EPB41L2: variants seen among roughly 807,000 people sequenced by gnomAD.
The protein encoded by EPB41L2 is band 4.1-like protein 2.
A neutral mutation model predicts 113.0 loss-of-function variants in EPB41L2; 43 were observed. The observed-to-expected ratio is 0.38, with a 90% confidence interval of 0.30 to 0.49. EPB41L2 has a LOEUF of 0.49. Among genes scored for constraint, EPB41L2 ranks in the 20% least tolerant of loss-of-function variants. EPB41L2 has a pLI of 0.95. For synonymous variants in EPB41L2, 442 were observed against 436.7 expected, an observed-to-expected ratio of 1.01 and a Z score of -0.15; for missense variants, 1,147 against 1,223.4, an observed-to-expected ratio of 0.94 and a Z score of 0.93.
intron 19 of EPB41L2, among the ~76,000 whole-genome samples, chr6:130,847,429 T>C (rs1777375117): frequency 6.6e-6 from 1 of 152,172 alleles, no homozygotes; most frequent in Non-Finnish European, 1.5e-5. Context: ...CCCTTGAACA[T>C]AACAGGCTCA....
intron 1 of EPB41L2, among the ~76,000 whole-genome samples, chr6:131,012,564 C>T (rs1265880667): frequency 6.7e-6 from 1 of 149,150 alleles, no homozygotes; most frequent in East Asian, 2.0e-4. Context: ...ATGAATAGGA[C>T]AAAATATTGA....
intron 4 of EPB41L2, among the ~76,000 whole-genome samples, chr6:130,915,707 C>G (rs1387131914): frequency 6.6e-6 from 1 of 152,126 alleles, no homozygotes; most frequent in Non-Finnish European, 1.5e-5. Flanking sequence ...TGGGAGGGGC[C>G]TGGTGGGAGA....
chr6:130,966,553 A>G (rs1345044014), intron 1 of EPB41L2, among the ~76,000 whole-genome samples: 1 of 152,198 alleles, frequency 6.6e-6, no homozygotes, highest in East Asian at 1.9e-4. Flanking sequence ...TTAAATGAGT[A>G]AAGAAACTGG....
At chr6:130,896,203 T>C (rs950563421) in intron 8 of EPB41L2, among the ~76,000 whole-genome samples, 3 of 152,244 alleles carry the variant, frequency 2.0e-5, no homozygotes, top group African/African-American at 7.2e-5. Context: ...TATTAGCTAA[T>C]TGATGCCAGT....
In EPB41L2 at chr6:130,931,659, AAC is replaced by A. The variant is rs1226706534; in HGVS notation, c.706-4952_706-4951del. Among the ~76,000 whole-genome samples the A allele has an allele frequency of 3.9e-5, 6 of 152,162 alleles. No homozygotes were observed. In the East Asian group the frequency reaches 1.2e-3, roughly 29 times the overall value. ...ACAACTTTGTCTTCACACTGTTCACAACACATTCCATAAATAATAATTCTCTT... is the reference window on the plus strand; with the variant it reads ...ACAACTTTGTCTTCACACTGTTCACAACATTCCATAAATAATAATTCTCTT... On this transcript the variant is annotated intron_variant, in intron 3 of 19. Coordinates refer to ENST00000337057, the MANE Select transcript of EPB41L2 (RefSeq NM_001431.4).
At chr6:130,970,224 A>C (rs1776428256) in intron 1 of EPB41L2, 1 of 152,224 alleles carries the variant, frequency 6.6e-6, no homozygotes, top group Non-Finnish European at 1.5e-5. Context: ...AGCATGTATC[A>C]CAAAACCCAA....
intron 16 of EPB41L2, among the ~76,000 whole-genome samples, chr6:130,866,240 A>G (rs768216858): frequency 6.6e-6 from 1 of 152,232 alleles, no homozygotes; most frequent in Non-Finnish European, 1.5e-5. Flanking sequence ...AATCCCATAC[A>G]TATGTTAAAA....
intron 1 of EPB41L2, among the ~76,000 whole-genome samples, chr6:131,045,890 A>T (rs969936305): frequency 1.3e-5 from 2 of 152,008 alleles, no homozygotes; most frequent in African/African-American, 4.8e-5. Context: ...ATATAAAGAT[A>T]CCATGAAAAC....
intron 14 of EPB41L2, chr6:130,876,779 T>A (rs1053583879): frequency 1.5e-6 from 2 of 1,301,186 alleles, no homozygotes; most frequent in Non-Finnish European, 2.0e-6. Flanking sequence ...CTTTTCTCTA[T>A]TGTTTTAAAC....
intron 1 of EPB41L2, among the ~76,000 whole-genome samples, chr6:130,992,033 C>T (rs1046503245): frequency 1.3e-5 from 2 of 151,960 alleles, no homozygotes; most frequent in African/African-American, 4.8e-5. Context: ...AAAAGAAAAT[C>T]TTTCTATGGA....
At chr6:130,999,139 C>A in intron 1 of EPB41L2, among the ~76,000 whole-genome samples, 1 of 152,104 alleles carries the variant, frequency 6.6e-6, no homozygotes, top group East Asian at 1.9e-4. Flanking sequence ...GACTTCCCTG[C>A]CTACCCCAGC....
intron 1 of EPB41L2, among the ~76,000 whole-genome samples, chr6:131,008,642 G>A (rs908641479): frequency 2.0e-5 from 3 of 152,238 alleles, no homozygotes; most frequent in Non-Finnish European, 4.4e-5. Flanking sequence ...AAAGCAGCCG[G>A]GAGTGGGGCT....
intron 4 of EPB41L2, among the ~76,000 whole-genome samples, chr6:130,926,053 G>C (rs1804629235): frequency 6.6e-6 from 1 of 152,162 alleles, no homozygotes; most frequent in South Asian, 2.1e-4. Flanking sequence ...TGATTGCTCT[G>C]TTCTGCTGAC....
At position 130,875,524 on chromosome 6, in the gene EPB41L2, C is replaced by T. The variant is rs374491511; in HGVS notation, c.2043+2580G>A. Among the ~76,000 whole-genome samples, 40 of 152,284 alleles carry T rather than the reference C, an allele frequency of 2.6e-4. No individual in the cohort carries two copies. The South Asian group carries it at 3.9e-3, about 15-fold the overall frequency. The stretch of plus-strand genomic sequence containing the variant: ...GTTCCTGTGTTGTGGCTCGTCCTTA[C>T]ACGTGGATACATTTTCACATGTCCA... On this transcript the variant is annotated intron_variant, in intron 14 of 19. Transcript: ENST00000337057.
intron 1 of EPB41L2, among the ~76,000 whole-genome samples, chr6:131,002,465 T>C (rs975649537): frequency 3.3e-5 from 5 of 152,144 alleles, no homozygotes; most frequent in Non-Finnish European, 1.5e-5. Flanking sequence ...ACAGGTCAAA[T>C]TTCAAGGTGA....
At chr6:130,856,538 C>A in intron 19 of EPB41L2, among the ~76,000 whole-genome samples, 1 of 152,074 alleles carries the variant, frequency 6.6e-6, no homozygotes. Flanking sequence ...ACATATTTAC[C>A]AAACTAGCAA....
chr6:130,857,474 C>T lies in EPB41L2; in HGVS notation c.*5+657G>A, dbSNP rs150756836. Reference sequence around the variant, plus strand: ...AATCCTTTGCTTTTGTTTCTATTGGCTTAACTGAAGTATTTATTTCCATTT... The same window carrying T: ...AATCCTTTGCTTTTGTTTCTATTGGTTTAACTGAAGTATTTATTTCCATTT... On this transcript the variant is annotated intron_variant, in intron 19 of 19. Coordinates refer to ENST00000337057, the MANE Select transcript of EPB41L2 (RefSeq NM_001431.4). Among the ~76,000 whole-genome samples, 206 of 150,830 alleles carry T rather than the reference C, an allele frequency of 1.4e-3. 2 individuals are homozygous for T. Among genetic ancestry groups the T allele is most frequent in the African/African-American group, 4.8e-3 (196 of 41,122 alleles).
chr6:130,869,957 G>C lies in EPB41L2; in HGVS notation c.2213C>G (p.Ser738Cys), dbSNP rs1785114078. ...ACTGCTGCTGCTGCTGCTCTCAGAA[G>C]ACAGGGAGGTGGAGTCTTTTTGTGT... The part of the protein sequence containing the change: ...PVTQKDSTSL[S>C]SESSSSSSES... The change falls in exon 15 of 20, where the codon TCT (serine) becomes TGT (cysteine). Residue 738 changes from serine (S) to cysteine (C), a missense_variant. By Grantham distance (112) the Ser-to-Cys change is moderately radical. Coordinates refer to ENST00000337057, the MANE Select transcript of EPB41L2 (RefSeq NM_001431.4). The C allele has an allele frequency of 6.2e-7, 1 of 1,613,528 alleles. No homozygotes were observed. Among genetic ancestry groups the C allele is most frequent in the East Asian group, 2.2e-5 (1 of 44,868 alleles).
At chr6:130,968,246 G>A (rs112045433) in intron 1 of EPB41L2, among the ~76,000 whole-genome samples, 111 of 152,238 alleles carry the variant, frequency 7.3e-4, no homozygotes, top group African/African-American at 2.6e-3. Context: ...GGCTGCAGAC[G>A]CTGCATTTTA....
Sources: gnomAD v4.1 joint callset for allele counts (sites outside exome capture counted in the v4.1 genomes callset) on GRCh38, gnomAD v4.1.1 for gene constraint, MANE v1.5 for transcripts, NCBI Gene and HGNC (gene_info 2026-07-23, HGNC 2026-07-21) for gene names.